GAREM1: variants seen among roughly 807,000 people sequenced by gnomAD.
The protein encoded by GAREM1 is GRB2 associated regulator of MAPK1 subtype 1.
A neutral mutation model predicts 71.3 loss-of-function variants in GAREM1; 26 were observed. The observed-to-expected ratio is 0.36, with a 90% CI of 0.27 to 0.51. GAREM1 has a LOEUF of 0.51. Ranked by LOEUF, GAREM1 falls within the 20% of genes least tolerant of loss-of-function variation. The pLI, the probability that GAREM1 is intolerant of heterozygous loss-of-function variation, is 0.95. For synonymous variants in GAREM1, 440 were observed against 433.2 expected (o/e 1.02, Z -0.20); for missense variants, 1,026 against 1,103.1 (o/e 0.93, Z 0.99).
At chr18:32,367,518 A>G (rs1471268761) in intron 2 of GAREM1, among the ~76,000 whole-genome samples, 1 of 152,244 alleles carries the variant, frequency 6.6e-6, no homozygotes, top group Non-Finnish European at 1.5e-5. Flanking sequence ...TGCTCCTTTG[A>G]GAAATTTCTC....
At chr18:32,363,519 A>C (rs1005147162) in intron 2 of GAREM1, among the ~76,000 whole-genome samples, 4 of 152,194 alleles carry the variant, frequency 2.6e-5, no homozygotes, top group African/African-American at 4.8e-5. Context: ...AAGATTTTTG[A>C]ATCTTGGTGA....
chr18:32,331,088 T>A (rs2047530442), intron 2 of GAREM1, among the ~76,000 whole-genome samples: 1 of 152,188 alleles, frequency 6.6e-6, no homozygotes, highest in Non-Finnish European at 1.5e-5. Context: ...TCATAGATAA[T>A]TATAGGTTTT....
chr18:32,347,868 GT>G (rs895806171), intron 2 of GAREM1, among the ~76,000 whole-genome samples: 2 of 152,128 alleles, frequency 1.3e-5, no homozygotes, highest in African/African-American at 4.8e-5. Flanking sequence ...CATTTCACTC[GT>G]GTGTCAGGTC....
intron 3 of GAREM1, among the ~76,000 whole-genome samples, chr18:32,304,542 A>C (rs1458781133): frequency 1.3e-5 from 2 of 152,356 alleles, no homozygotes; most frequent in Non-Finnish European, 2.9e-5. Context: ...GCATGAAAGC[A>C]GCCATAGATA....
At chr18:32,467,674 T>C (rs1170349160) in intron 1 of GAREM1, among the ~76,000 whole-genome samples, 1 of 152,224 alleles carries the variant, frequency 6.6e-6, no homozygotes, top group Admixed American at 6.5e-5. Context: ...CCTCTTGGCA[T>C]AATGTCAACT....
chr18:32,282,074 A>T (rs1361031358), intron 4 of GAREM1, among the ~76,000 whole-genome samples: 1 of 151,216 alleles, frequency 6.6e-6, no homozygotes, highest in Non-Finnish European at 1.5e-5. Flanking sequence ...TTACCTTCCC[A>T]AATCCTATAA....
intron 1 of GAREM1, among the ~76,000 whole-genome samples, chr18:32,432,332 A>G (rs564001961): frequency 6.6e-6 from 1 of 152,266 alleles, no homozygotes; most frequent in South Asian, 2.1e-4. Flanking sequence ...GCTCAAATCA[A>G]TCTAAACTTC....
chr18:32,464,356 A>C (rs576111181), intron 1 of GAREM1, among the ~76,000 whole-genome samples: 111 of 152,244 alleles, frequency 7.3e-4, no homozygotes, highest in Middle Eastern at 3.4e-3. Context: ...TTCTGGATTA[A>C]ATTAAAAGTT....
At chr18:32,272,874 T>C (rs1164456706) in intron 4 of GAREM1, among the ~76,000 whole-genome samples, 1 of 152,172 alleles carries the variant, frequency 6.6e-6, no homozygotes, top group Non-Finnish European at 1.5e-5. Flanking sequence ...CCACCCTCCT[T>C]AGCCAGGCGG....
chr18:32,425,783 C>G (rs2048568955), intron 1 of GAREM1, among the ~76,000 whole-genome samples: 2 of 152,140 alleles, frequency 1.3e-5, no homozygotes, highest in Admixed American at 1.3e-4. Context: ...CTAAGTAGCT[C>G]TTGAACTGTT....
intron 2 of GAREM1, among the ~76,000 whole-genome samples, chr18:32,371,638 C>G (rs977960284): frequency 3.3e-5 from 5 of 151,912 alleles, no homozygotes; most frequent in African/African-American, 7.3e-5. Flanking sequence ...GTAAGTCTGG[C>G]TATAGAGAGT....
chr18:32,465,366 A>G (rs1222454638), intron 1 of GAREM1, among the ~76,000 whole-genome samples: 1 of 152,204 alleles, frequency 6.6e-6, no homozygotes, highest in African/African-American at 2.4e-5. Flanking sequence ...AGCCACTTGG[A>G]GCCTCCCTGG....
At chr18:32,340,858 T>C (rs538715198) in intron 2 of GAREM1, among the ~76,000 whole-genome samples, 23 of 152,168 alleles carry the variant, frequency 1.5e-4, no homozygotes, top group Non-Finnish European at 3.1e-4. Context: ...AGCCACCAAC[T>C]GGCCCCACCT....
intron 2 of GAREM1, among the ~76,000 whole-genome samples, chr18:32,367,286 T>C (rs1375487044): frequency 6.6e-6 from 1 of 152,220 alleles, no homozygotes; most frequent in Non-Finnish European, 1.5e-5. Flanking sequence ...TTCTGACTGG[T>C]TGAAGGACAC....
At chr18:32,312,150 C>A (rs1489511584) in intron 2 of GAREM1, among the ~76,000 whole-genome samples, 1 of 152,104 alleles carries the variant, frequency 6.6e-6, no homozygotes, top group East Asian at 1.9e-4. Flanking sequence ...TTCTTAGACA[C>A]CGAAGTGTGG....
At chr18:32,307,567 GGCT>G (rs1443699837) in intron 3 of GAREM1, among the ~76,000 whole-genome samples, 4 of 152,172 alleles carry the variant, frequency 2.6e-5, no homozygotes, top group African/African-American at 9.7e-5. Context: ...CTGTCGCTAA[GGCT>G]GGAGTGCAAT....
chr18:32,377,149 T>TTTGGCAGAGTA (rs1252019821), intron 2 of GAREM1, among the ~76,000 whole-genome samples: 1 of 152,154 alleles, frequency 6.6e-6, no homozygotes, highest in East Asian at 1.9e-4. Flanking sequence ...ACACTGTCAT[T>TTTGGCAGAGTA]TTGGCAGAGT....
chr18:32,400,030 C>G (rs1479672292), intron 1 of GAREM1, among the ~76,000 whole-genome samples: 2 of 152,218 alleles, frequency 1.3e-5, no homozygotes, highest in African/African-American at 2.4e-5. Context: ...ACATCTATAA[C>G]CATCTGCTCT....
In GAREM1 at chr18:32,432,549, G is replaced by A. The variant is rs140775201; in HGVS notation, c.121+37759C>T. On this transcript the variant is annotated intron_variant, in intron 1 of 5. Transcript: ENST00000269209. Reference sequence around the variant, plus strand: ...GATCAATAAAATTGATAAATGTCTGGCTGGACTGACCAAGAACAAAAGAGA... The same window carrying A: ...GATCAATAAAATTGATAAATGTCTGACTGGACTGACCAAGAACAAAAGAGA... Among the ~76,000 whole-genome samples, 527 of 152,100 alleles carry A rather than the reference G, an allele frequency of 3.5e-3. 4 individuals are homozygous for A. The highest frequency in any genetic ancestry group is 0.012 in the African/African-American group (505 of 41,526).
Sources: gnomAD v4.1 joint callset for allele counts (sites outside exome capture counted in the v4.1 genomes callset) on GRCh38, gnomAD v4.1.1 for gene constraint, MANE v1.5 for transcripts, NCBI Gene and HGNC (gene_info 2026-07-23, HGNC 2026-07-21) for gene names.